Variants in TFCP2L1 observed in about 807,000 individuals in gnomAD.
TFCP2L1 encodes transcription factor CP2-like protein 1.
In TFCP2L1, 12 loss-of-function variants were observed where a neutral mutation model predicts 72.2. That is an observed-to-expected ratio of 0.17 (90% CI 0.11 to 0.27). The LOEUF is 0.27. TFCP2L1 is among the 10% of genes least tolerant of loss of function. TFCP2L1 has a pLI of 1.00. For synonymous variants in TFCP2L1, 260 were observed against 251.0 expected, an observed-to-expected ratio of 1.04 and a Z score of -0.34; for missense variants, 488 against 624.6, an observed-to-expected ratio of 0.78 and a Z score of 2.33.
rs377105622 is a variant in TFCP2L1 at position 121,242,512 on chromosome 2, A to G, written c.658-43T>C. The G allele has an allele frequency of 8.2e-6, 13 of 1,590,246 alleles. No individual in the cohort carries two copies. The African/African-American group carries it at 1.6e-4, about 20-fold the overall frequency. On this transcript the variant is annotated intron_variant, in intron 6 of 14. Coordinates refer to ENST00000263707, the MANE Select transcript of TFCP2L1 (RefSeq NM_014553.3). ...AGTCCAATCAGCCCAAAACCAACAC[A>G]GGCAGCAGCCCCCAAGCCCTCTCCT...
chr2:121,264,607 A>C (rs1194971909), intron 2 of TFCP2L1, among the ~76,000 whole-genome samples: 1 of 152,186 alleles, frequency 6.6e-6, no homozygotes, highest in Non-Finnish European at 1.5e-5. Flanking sequence ...GCTGTCTGCT[A>C]TCTGGCCACC....
chr2:121,276,398 C>T (rs1338398520), intron 2 of TFCP2L1, among the ~76,000 whole-genome samples: 2 of 151,624 alleles, frequency 1.3e-5, no homozygotes, highest in African/African-American at 2.4e-5. Flanking sequence ...TTTGAGAGGC[C>T]GAGGTGGAAG....
intron 6 of TFCP2L1, 71 bp from the exon 7 acceptor site, chr2:121,242,540 T>C: frequency 6.9e-7 from 1 of 1,454,808 alleles, no homozygotes; most frequent in African/African-American, 1.4e-5. Context: ...CCTCTCCTGC[T>C]TCCCACCTCA....
chr2:121,256,240 C>G (rs922797597), intron 2 of TFCP2L1, among the ~76,000 whole-genome samples: 1 of 152,144 alleles, frequency 6.6e-6, no homozygotes, highest in Non-Finnish European at 1.5e-5. Context: ...CACTAGTCCC[C>G]CTGAAACACA....
rs182593298 is a variant in TFCP2L1, at chr2:121,264,730, C to T, written c.215-15083G>A. 1.1e-3 allele frequency among the ~76,000 whole-genome samples: 162 copies of T among 152,262 alleles called. 2 individuals are homozygous for T. The highest frequency in any genetic ancestry group is 3.7e-3 in the African/African-American group (152 of 41,554). On this transcript the variant is annotated intron_variant, in intron 2 of 14. Transcript: ENST00000263707. ...TTGAGCCCCTGGTTCCCGTGCGCTTCGGGGGCCCAGCTTTGGGACACTCTG... is the reference window on the plus strand; with the variant it reads ...TTGAGCCCCTGGTTCCCGTGCGCTTTGGGGGCCCAGCTTTGGGACACTCTG...
intron 13 of TFCP2L1, among the ~76,000 whole-genome samples, chr2:121,230,575 G>A (rs1250540739): frequency 6.6e-6 from 1 of 152,172 alleles, no homozygotes; most frequent in Non-Finnish European, 1.5e-5. Context: ...GAGCCCAGGA[G>A]TTTCAGACCA....
At chr2:121,258,006 G>A (rs1367768889) in intron 2 of TFCP2L1, among the ~76,000 whole-genome samples, 1 of 152,176 alleles carries the variant, frequency 6.6e-6, no homozygotes, top group Non-Finnish European at 1.5e-5. Context: ...TATGTCGTCG[G>A]TTTTTAATTA....
rs553677940 is a variant in TFCP2L1 at position 121,241,584 on chromosome 2, T to C, written c.768+775A>G. The stretch of plus-strand genomic sequence containing the variant: ...TATGGAGGGTTGGAGCAGGCTGGCA[T>C]TGCTGTCAGGGTTAACAGAAAATGC... On this transcript the variant is annotated intron_variant, in intron 7 of 14. Coordinates refer to ENST00000263707, the MANE Select transcript of TFCP2L1 (RefSeq NM_014553.3). 5.9e-4 allele frequency among the ~76,000 whole-genome samples: 89 copies of C among 151,678 alleles called. 1 individual carries two copies. Among genetic ancestry groups the C allele is most frequent in the African/African-American group, 1.9e-3 (78 of 41,328 alleles).
chr2:121,255,044 T>C (rs1288985051), intron 2 of TFCP2L1, among the ~76,000 whole-genome samples: 4 of 152,180 alleles, frequency 2.6e-5, no homozygotes, highest in Admixed American at 2.6e-4. Context: ...CAAGCTCACA[T>C]AGCTCATAAG....
intron 1 of TFCP2L1, among the ~76,000 whole-genome samples, chr2:121,282,525 A>G (rs1227300388): frequency 1.3e-5 from 2 of 151,708 alleles, no homozygotes; most frequent in Non-Finnish European, 2.9e-5. Flanking sequence ...CTCTAAAAAA[A>G]AAAAAAAGGA....
At position 121,231,853 on chromosome 2, in the gene TFCP2L1, C is replaced by T. The variant is rs764777827; in HGVS notation, c.1314G>A (p.Thr438=). 30 of 1,612,924 alleles carry T rather than the reference C, an allele frequency of 1.9e-5. No homozygotes were observed. The highest frequency in any genetic ancestry group is 3.3e-5 in the Admixed American group (2 of 59,884). The part of the protein sequence containing the change: ...HIHRVYRQGP[T]GIHVVVSNEM... Reference sequence around the variant, plus strand: ...CGTTGCTCACCACCACATGGATGCCCGTGGGGCCCTGCCGGTAGACTCGGT... The same window carrying T: ...CGTTGCTCACCACCACATGGATGCCTGTGGGGCCCTGCCGGTAGACTCGGT... Residue 438 remains threonine (T), a synonymous_variant, in exon 13 of 15, where the codon ACG becomes ACA. Coordinates refer to ENST00000263707, the MANE Select transcript of TFCP2L1 (RefSeq NM_014553.3).
chr2:121,250,363 T>TATATAC (rs1553433403), intron 2 of TFCP2L1, among the ~76,000 whole-genome samples: 2 of 148,066 alleles, frequency 1.4e-5, no homozygotes, highest in African/African-American at 5.0e-5. Flanking sequence ...TATATATATA[T>TATATAC]ACACACACAC....
intron 2 of TFCP2L1, among the ~76,000 whole-genome samples, chr2:121,252,794 C>T (rs983408726): frequency 1.3e-5 from 2 of 152,194 alleles, no homozygotes; most frequent in Non-Finnish European, 2.9e-5. Flanking sequence ...ATAATTAACA[C>T]GTTTGTAGCA....
intron 2 of TFCP2L1, among the ~76,000 whole-genome samples, chr2:121,268,266 G>T (rs1451453239): frequency 2.0e-5 from 3 of 152,090 alleles, no homozygotes; most frequent in Non-Finnish European, 4.4e-5. Context: ...TTAAACCTTT[G>T]AACGTGGTTT....
chr2:121,250,425 A>T (rs1686583820), intron 2 of TFCP2L1, among the ~76,000 whole-genome samples: 1 of 151,386 alleles, frequency 6.6e-6, no homozygotes. Context: ...ATGATATCTC[A>T]AATGATGCCA....
rs749453993 is a variant in TFCP2L1, at chr2:121,231,894, A to T, written c.1273T>A (p.Ser425Thr). Residue 425 changes from serine (S) to threonine (T), a missense_variant, in exon 13 of 15, where the codon TCC becomes ACC. Ser to Thr is a moderately conservative substitution (Grantham distance 58). Transcript: ENST00000263707. ...TAGACTCGGTGGATGTGCTGGGGGG[A>T]GATGCTGTACAGGTTGGCGATCTTC... The part of the protein sequence containing the change: ...IEKIANLYSI[S>T]PQHIHRVYRQ... 1 of 1,612,762 alleles carries T rather than the reference A, an allele frequency of 6.2e-7. No individual in the cohort carries two copies.
At chr2:121,247,022 C>A in intron 5 of TFCP2L1, 52 bp from the exon 6 acceptor site, 1 of 1,604,160 alleles carries the variant, frequency 6.2e-7, no homozygotes, top group Middle Eastern at 1.7e-4. Context: ...GCAGGGTGCC[C>A]CTGGATCCCC....
intron 2 of TFCP2L1, among the ~76,000 whole-genome samples, chr2:121,252,232 A>G (rs1453118289): frequency 2.0e-5 from 3 of 152,186 alleles, no homozygotes; most frequent in African/African-American, 7.2e-5. Flanking sequence ...ATTTTTGTAG[A>G]GACCAAGTCT....
intron 6 of TFCP2L1, among the ~76,000 whole-genome samples, chr2:121,246,347 G>A (rs1304037927): frequency 6.6e-6 from 1 of 152,228 alleles, no homozygotes; most frequent in Non-Finnish European, 1.5e-5. Context: ...TCTCTAACAG[G>A]AAGCCATTGC....
Sources: allele counts gnomAD v4.1 joint callset (sites outside exome capture counted in the v4.1 genomes callset), GRCh38; gene constraint gnomAD v4.1.1; transcripts MANE v1.5; gene names NCBI Gene and HGNC (gene_info 2026-07-23, HGNC 2026-07-21).